Variants in TMEM40 observed in about 807,000 individuals in gnomAD.
TMEM40 encodes the protein transmembrane protein 40.
TMEM40 carries 34 observed loss-of-function variants against 40.8 expected under a neutral mutation model. The ratio of observed to expected loss-of-function variants is 0.83; its 90% CI spans 0.63 to 1.11. The LOEUF is 1.11. Among genes scored for constraint, TMEM40 ranks in the 50% least tolerant of loss-of-function variants. The probability of loss-of-function intolerance (pLI) is 0.00; values close to 1 mark genes in which losing one functional copy is unlikely to be tolerated. For synonymous variants in TMEM40, 106 were observed against 107.0 expected, an observed-to-expected ratio of 0.99 and a Z score of 0.06; for missense variants, 296 against 280.2, an observed-to-expected ratio of 1.06 and a Z score of -0.40.
intron 10 of TMEM40, 126 bp downstream of exon 10, chr3:12,736,451 GA>G: frequency 1.6e-6 from 2 of 1,272,720 alleles, no homozygotes; most frequent in Non-Finnish European, 1.1e-6. Context: ...CGCCTGGCCA[GA>G]AAATTTTTTT....
chr3:12,734,849 C>T, intron 11 of TMEM40, 56 bp from the exon 12 acceptor site: 1 of 1,567,518 alleles, frequency 6.4e-7, no homozygotes, highest in East Asian at 2.4e-5. Context: ...CAGGCTTCAT[C>T]CCCACCATCA....
At chr3:12,766,609 A>G (rs901396579) in intron 1 of TMEM40, among the ~76,000 whole-genome samples, 3 of 150,188 alleles carry the variant, frequency 2.0e-5, no homozygotes, top group Admixed American at 6.6e-5. Context: ...AAAAAAAAAA[A>G]GGATTATTTA....
chr3:12,760,201 T>G (rs2061559399), upstream of TMEM40, among the ~76,000 whole-genome samples: 3 of 152,158 alleles, frequency 2.0e-5, no homozygotes, highest in South Asian at 6.2e-4. Flanking sequence ...CTGGGCTCCC[T>G]GCTCCCCGCC....
chr3:12,760,899 G>A (rs989476143), upstream of TMEM40, among the ~76,000 whole-genome samples: 2 of 152,196 alleles, frequency 1.3e-5, no homozygotes, highest in African/African-American at 2.4e-5. Context: ...GCACCCCCAC[G>A]CCTGGCTGAT....
intron 1 of TMEM40, among the ~76,000 whole-genome samples, chr3:12,754,458 G>A (rs976943449): frequency 6.6e-6 from 1 of 152,228 alleles, no homozygotes; most frequent in Admixed American, 6.5e-5. Flanking sequence ...AAGCATCTAG[G>A]TTGTTGTCTA....
chr3:12,736,235 G>A (rs1013113576), intron 10 of TMEM40, among the ~76,000 whole-genome samples: 8 of 149,746 alleles, frequency 5.3e-5, no homozygotes, highest in African/African-American at 1.7e-4. Flanking sequence ...TGCAACCTCC[G>A]CCTCCTGGGT....
chr3:12,758,648 G>A (rs774192310), intron 1 of TMEM40, among the ~76,000 whole-genome samples: 3 of 152,182 alleles, frequency 2.0e-5, no homozygotes, highest in Non-Finnish European at 2.9e-5. Context: ...GGCAGAGGAC[G>A]GCTGACTTCT....
At chr3:12,738,815 T>A (rs2061359238) in intron 5 of TMEM40, 4 of 512,908 alleles carry the variant, frequency 7.8e-6, no homozygotes, top group Non-Finnish European at 1.4e-5. Flanking sequence ...TACAGGTCTG[T>A]CAATTTCCCC....
intron 6 of TMEM40, among the ~76,000 whole-genome samples, 166 bp from the exon 7 acceptor site, chr3:12,738,334 T>C (rs552255856): frequency 2.0e-4 from 31 of 152,340 alleles, no homozygotes; most frequent in Non-Finnish European, 4.1e-4. Context: ...TGTAATCTCC[T>C]GGGGTCTTGC....
chr3:12,754,915 C>T (rs2061507250), intron 1 of TMEM40, among the ~76,000 whole-genome samples: 1 of 152,178 alleles, frequency 6.6e-6, no homozygotes, highest in South Asian at 2.1e-4. Context: ...TTGCCAACTT[C>T]AATATATAAA....
intron 5 of TMEM40, among the ~76,000 whole-genome samples, chr3:12,741,998 G>A (rs1337059117): frequency 6.6e-6 from 1 of 152,144 alleles, no homozygotes; most frequent in African/African-American, 2.4e-5. Context: ...TTGGGAGGCC[G>A]AGGCGGGCGG....
Position 12,748,683 on chromosome 3 carries a change from G to A in TMEM40, c.183C>T (p.Ser61=). 2.5e-6 allele frequency: 4 copies of A among 1,612,836 alleles called. No individual in the cohort carries two copies. Among genetic ancestry groups the A allele is most frequent in the Non-Finnish European group, 3.4e-6 (4 of 1,179,090 alleles). Residue 61 remains serine (S), a synonymous_variant, in exon 3 of 12, where the codon TCC becomes TCT. Coordinates refer to ENST00000314124, the MANE Select transcript of TMEM40 (RefSeq NM_018306.4). ...SSSSSSSSSS[S]SSSSSSSSSE... is the part of the protein sequence containing the mutation. ...AGGAGGAGGAGGATGAAGAAGATGA[G>A]GAGGATGAGGAGGAAGAGGAGGAGG...
intron 6 of TMEM40, 122 bp downstream of exon 6, chr3:12,738,431 G>A (rs886536156): frequency 1.7e-6 from 2 of 1,174,224 alleles, no homozygotes; most frequent in Non-Finnish European, 2.5e-6. Flanking sequence ...AAGTGGACCT[G>A]GGGCTCCTGT....
intron 1 of TMEM40, among the ~76,000 whole-genome samples, chr3:12,768,184 G>A (rs189139030): frequency 2.6e-5 from 4 of 152,212 alleles, no homozygotes; most frequent in Admixed American, 2.0e-4. Flanking sequence ...CGCGTCTGGA[G>A]TTGTTCGTTC....
Position 12,743,916 on chromosome 3 carries a change from G to T in TMEM40, c.285C>A (p.His95Gln), listed in dbSNP as rs374102262. ...ATTTCCTACCGGGTGAGCCGTTCCC[G>T]TGGGGGTATCCAGCCCCCAGGCTCC... ...HRRSLGAGYP[H>Q]GNGSPGPGHG... The change falls in exon 4 of 12, where the codon CAC (histidine) becomes CAA (glutamine). Residue 95 changes from histidine (H) to glutamine (Q), a missense_variant. By Grantham distance (24) the His-to-Gln change is conservative. Coordinates refer to ENST00000314124, the MANE Select transcript of TMEM40 (RefSeq NM_018306.4). The T allele has an allele frequency of 1.2e-5, 19 of 1,613,172 alleles. No individual in the cohort carries two copies. Among genetic ancestry groups the T allele is most frequent in the Admixed American group, 1.7e-5 (1 of 59,894 alleles).
chr3:12,761,419 A>G (rs183209126), upstream of TMEM40, among the ~76,000 whole-genome samples: 149 of 152,282 alleles, frequency 9.8e-4, 1 homozygote, highest in Non-Finnish European at 1.9e-3. Flanking sequence ...GGCCTGGCCA[A>G]CATGGTGAAA....
At chr3:12,750,270 A>G (rs1227226535) in intron 1 of TMEM40, among the ~76,000 whole-genome samples, 1 of 151,660 alleles carries the variant, frequency 6.6e-6, no homozygotes, top group African/African-American at 2.4e-5. Context: ...CACCATGTCC[A>G]GCCTAGGTAC....
chr3:12,755,178 CTCTCCTTCCT>C (rs1280086490), intron 1 of TMEM40, among the ~76,000 whole-genome samples: 35 of 133,244 alleles, frequency 2.6e-4, no homozygotes, highest in African/African-American at 1.1e-3. Context: ...CTTTCTCTCT[CTCTCCTTCCT>C]TCCTTCCTTC....
chr3:12,745,898 C>T (rs893937156), intron 3 of TMEM40, among the ~76,000 whole-genome samples: 2 of 149,406 alleles, frequency 1.3e-5, no homozygotes, highest in Admixed American at 6.6e-5. Context: ...TTTTCTTTTG[C>T]TTTTTCTTTT....
Sources: gnomAD v4.1 joint callset for allele counts (sites outside exome capture counted in the v4.1 genomes callset) on GRCh38, gnomAD v4.1.1 for gene constraint, MANE v1.5 for transcripts, NCBI Gene and HGNC (gene_info 2026-07-23, HGNC 2026-07-21) for gene names.